STK39: variants seen among roughly 807,000 people sequenced by gnomAD.
The protein encoded by STK39 is STE20/SPS1-related proline-alanine-rich protein kinase.
Under a neutral mutation model 77.8 loss-of-function variants are expected in STK39, and 20 were observed. The ratio of observed to expected loss-of-function variants is 0.26; its 90% CI spans 0.18 to 0.37. The LOEUF is 0.37. Among genes scored for constraint, STK39 ranks in the 10% least tolerant of loss-of-function variants. The pLI, the probability that STK39 is intolerant of heterozygous loss-of-function variation, is 1.00. For missense variants in STK39, 479 were observed against 656.5 expected (o/e 0.73, Z 2.95); for synonymous variants, 246 against 234.1 (o/e 1.05, Z -0.47).
chr2:168,019,839 G>A (rs1028145125), intron 14 of STK39, among the ~76,000 whole-genome samples: 25 of 152,160 alleles, frequency 1.6e-4, no homozygotes, highest in African/African-American at 6.0e-4. Flanking sequence ...GAGCAGCTGA[G>A]ACTACAGGAG....
chr2:168,071,471 TA>T (rs1170436831), intron 12 of STK39, among the ~76,000 whole-genome samples: 1 of 152,238 alleles, frequency 6.6e-6, no homozygotes, highest in Non-Finnish European at 1.5e-5. Flanking sequence ...CTCTGGCATT[TA>T]AATGTGTTAT....
Position 167,962,708 on chromosome 2 carries a change from T to A in STK39, c.1563+1954A>T, listed in dbSNP as rs372378242. 1.3e-4 allele frequency among the ~76,000 whole-genome samples: 20 copies of A among 152,262 alleles called. 1 individual carries two copies. In the East Asian group the frequency reaches 1.9e-3, roughly 15 times the overall value. ...GAGATTCAGTCCCAGCCAATGTAAATGTACCCAGTCATCCAAAATGAGGAA... is the reference window on the plus strand; with the variant it reads ...GAGATTCAGTCCCAGCCAATGTAAAAGTACCCAGTCATCCAAAATGAGGAA... On this transcript the variant is annotated intron_variant, in intron 17 of 17. Transcript: ENST00000355999.
At chr2:168,035,608 T>C (rs1024614634) in intron 14 of STK39, among the ~76,000 whole-genome samples, 3 of 152,118 alleles carry the variant, frequency 2.0e-5, no homozygotes, top group African/African-American at 7.2e-5. Context: ...CTCAGATACA[T>C]ACAGGGCAAA....
intron 10 of STK39, among the ~76,000 whole-genome samples, chr2:168,100,024 G>C (rs1253692097): frequency 6.6e-6 from 1 of 152,106 alleles, no homozygotes; most frequent in Admixed American, 6.5e-5. Context: ...GGGAAAAAAA[G>C]GAAAAAAGCA....
At chr2:168,194,046 T>A (rs1009878421) in intron 1 of STK39, among the ~76,000 whole-genome samples, 114 of 152,306 alleles carry the variant, frequency 7.5e-4, no homozygotes, top group African/African-American at 2.5e-3. Flanking sequence ...CTCGCCCGCC[T>A]GCAAGCATCC....
intron 14 of STK39, 76 bp downstream of exon 14, chr2:168,063,424 T>C (rs1342732256): frequency 6.2e-6 from 8 of 1,299,106 alleles, no homozygotes; most frequent in African/African-American, 1.5e-5. Context: ...GCTAATATTA[T>C]GAAAGGTTAA....
intron 5 of STK39, among the ~76,000 whole-genome samples, chr2:168,145,651 T>C (rs968717719): frequency 6.6e-6 from 1 of 152,174 alleles, no homozygotes. Flanking sequence ...GCCAACTGTG[T>C]GGTTATGATG....
intron 10 of STK39, among the ~76,000 whole-genome samples, chr2:168,118,097 G>A (rs966624284): frequency 6.6e-6 from 1 of 152,228 alleles, no homozygotes; most frequent in East Asian, 1.9e-4. Flanking sequence ...CGTAGGGAAG[G>A]TCAGCACCTA....
chr2:168,220,277 T>C (rs11675180), intron 1 of STK39, among the ~76,000 whole-genome samples: 89,890 of 151,812 alleles, frequency 0.59, 29,805 homozygotes, highest in Non-Finnish European at 0.78. Context: ...AGAACTTCTC[T>C]GCTGAGAAGC....
At chr2:167,976,070 A>T (rs2017632) in intron 16 of STK39, among the ~76,000 whole-genome samples, 1 of 152,156 alleles carries the variant, frequency 6.6e-6, no homozygotes, top group African/African-American at 2.4e-5. Context: ...CTGCATACAA[A>T]TCTATGGCTC....
intron 10 of STK39, among the ~76,000 whole-genome samples, chr2:168,100,107 T>C (rs1246952046): frequency 6.6e-6 from 1 of 152,214 alleles, no homozygotes; most frequent in Non-Finnish European, 1.5e-5. Context: ...CACGAATCAA[T>C]TTTTCATACA....
chr2:168,081,639 C>A (rs776145381), intron 10 of STK39, among the ~76,000 whole-genome samples: 1 of 152,004 alleles, frequency 6.6e-6, no homozygotes, highest in African/African-American at 2.4e-5. Context: ...TGAGGACATG[C>A]GATTTGGGAG....
intron 10 of STK39, among the ~76,000 whole-genome samples, chr2:168,091,602 G>A (rs972745263): frequency 2.6e-5 from 4 of 152,186 alleles, no homozygotes; most frequent in African/African-American, 9.7e-5. Context: ...TGACAGGTGT[G>A]ACACGCTGAC....
intron 14 of STK39, among the ~76,000 whole-genome samples, chr2:168,045,952 C>T (rs1477974789): frequency 6.6e-6 from 1 of 152,190 alleles, no homozygotes; most frequent in Non-Finnish European, 1.5e-5. Context: ...CAGAGAGGCA[C>T]TCCACAGGTC....
intron 12 of STK39, among the ~76,000 whole-genome samples, chr2:168,066,040 C>CAAAA (rs3835855): frequency 4.0e-5 from 6 of 151,546 alleles, no homozygotes; most frequent in Admixed American, 2.0e-4. Flanking sequence ...ACAACAACAA[C>CAAAA]AAAAAAAACC....
chr2:167,983,116 G>T (rs1368045128), intron 16 of STK39, among the ~76,000 whole-genome samples: 1 of 152,078 alleles, frequency 6.6e-6, no homozygotes, highest in East Asian at 1.9e-4. Context: ...AACTCTTCTA[G>T]GCATCTGCAA....
chr2:168,214,874 A>C (rs1409549287), intron 1 of STK39, among the ~76,000 whole-genome samples: 3 of 152,196 alleles, frequency 2.0e-5, no homozygotes, highest in Non-Finnish European at 4.4e-5. Flanking sequence ...GAAATCCAAA[A>C]GAGTGTATTG....
chr2:168,025,879 G>C (rs1684684234), intron 14 of STK39, among the ~76,000 whole-genome samples: 1 of 152,192 alleles, frequency 6.6e-6, no homozygotes, highest in Admixed American at 6.5e-5. Flanking sequence ...GTCAGAACTG[G>C]AGACTCCTTC....
intron 2 of STK39, among the ~76,000 whole-genome samples, chr2:168,180,271 C>A (rs894594985): frequency 6.6e-6 from 1 of 152,120 alleles, no homozygotes; most frequent in Non-Finnish European, 1.5e-5. Context: ...CGCTTGAACC[C>A]AGGAGGCGGA....
Sources: allele counts gnomAD v4.1 joint callset (sites outside exome capture counted in the v4.1 genomes callset), GRCh38; gene constraint gnomAD v4.1.1; transcripts MANE v1.5; gene names NCBI Gene and HGNC (gene_info 2026-07-23, HGNC 2026-07-21).